Variants in POLN observed in about 807,000 individuals in gnomAD.
POLN encodes the protein DNA polymerase nu, also known as DNA polymerase N.
POLN carries 108 observed loss-of-function variants against 113.5 expected under a neutral mutation model. The observed-to-expected ratio is 0.95, with a 90% CI of 0.81 to 1.12. The LOEUF (loss-of-function observed/expected upper bound fraction) is 1.12. Ranked by LOEUF, POLN falls within the 50% of genes most tolerant of loss-of-function variation. The pLI, the probability that POLN is intolerant of heterozygous loss-of-function variation, is 0.00. For synonymous variants in POLN, 386 were observed against 391.5 expected (o/e 0.99, Z 0.17); for missense variants, 1,097 against 1,077.1 (o/e 1.02, Z -0.26).
At position 2,081,243 on chromosome 4, in the gene POLN, T is replaced by A; in HGVS notation, c.2309-207A>T. On this transcript the variant is annotated intron_variant, in intron 22 of 25. Transcript: ENST00000511885. ...TCTTGCTCCTGCAGGGCACCTGGGTTTTGGGTGCCTTACTCCTGGAGGCCT... is the reference window on the plus strand; with the variant it reads ...TCTTGCTCCTGCAGGGCACCTGGGTATTGGGTGCCTTACTCCTGGAGGCCT... 4 of 1,472,986 alleles carry A rather than the reference T, an allele frequency of 2.7e-6. No homozygotes were observed. The South Asian group carries it at 4.9e-5, about 18-fold the overall frequency. 91.2% of individuals were successfully genotyped at this position (1,472,986 alleles called of 1,614,324 possible).
intron 21 of POLN, among the ~76,000 whole-genome samples, chr4:2,085,035 T>A (rs775449349): frequency 2.1e-4 from 32 of 152,250 alleles, no homozygotes; most frequent in Non-Finnish European, 4.4e-4. Flanking sequence ...CTTAGCCACA[T>A]CCCAGTTTCT....
At chr4:2,215,827 C>T (rs1734100161) in intron 3 of POLN, among the ~76,000 whole-genome samples, 1 of 152,190 alleles carries the variant, frequency 6.6e-6, no homozygotes, top group Admixed American at 6.5e-5. Flanking sequence ...CTACATCTTG[C>T]TGCAGCTGGC....
intron 23 of POLN, among the ~76,000 whole-genome samples, chr4:2,077,453 G>C (rs907152294): frequency 2.0e-5 from 3 of 152,222 alleles, no homozygotes; most frequent in African/African-American, 7.2e-5. Flanking sequence ...CCCCCAGGGA[G>C]GGGGAGGTGG....
At chr4:2,147,448 G>C (rs1211604901) in intron 16 of POLN, among the ~76,000 whole-genome samples, 1 of 152,012 alleles carries the variant, frequency 6.6e-6, no homozygotes, top group Admixed American at 6.6e-5. Flanking sequence ...TCTGAGTTGG[G>C]GAAAGAGGAG....
At position 2,154,466 on chromosome 4, in the gene POLN, T is replaced by C. The variant is rs941352584; in HGVS notation, c.1731+2322A>G. Among the ~76,000 whole-genome samples, 5 of 152,040 alleles carry C rather than the reference T, an allele frequency of 3.3e-5. No individual in the cohort carries two copies. In the South Asian group the frequency reaches 1.0e-3, roughly 32 times the overall value. ...CAACAAATATTTAAAGAAATGGAAATTGAAAAAATGAGTCAGGAAAGTAAT... is the reference window on the plus strand; with the variant it reads ...CAACAAATATTTAAAGAAATGGAAACTGAAAAAATGAGTCAGGAAAGTAAT... On this transcript the variant is annotated intron_variant, in intron 16 of 25. Transcript: ENST00000511885.
intron 7 of POLN, among the ~76,000 whole-genome samples, chr4:2,190,906 C>T (rs780031374): frequency 4.6e-5 from 7 of 152,152 alleles, no homozygotes; most frequent in Non-Finnish European, 7.3e-5. Context: ...AAGGGGAACC[C>T]TCATACACTA....
intron 13 of POLN, among the ~76,000 whole-genome samples, chr4:2,166,045 G>A (rs1399632902): frequency 3.3e-5 from 5 of 152,210 alleles, no homozygotes; most frequent in Non-Finnish European, 7.3e-5. Context: ...CCAACGTGCT[G>A]GGATTATAGG....
intron 24 of POLN, among the ~76,000 whole-genome samples, chr4:2,074,029 GC>G (rs1730217908): frequency 6.6e-6 from 1 of 152,244 alleles, no homozygotes; most frequent in Admixed American, 6.5e-5. Context: ...TGGAGAGCCG[GC>G]CCAGGCCAAG....
chr4:2,197,725 C>T (rs1427267847), intron 6 of POLN, among the ~76,000 whole-genome samples: 1 of 152,114 alleles, frequency 6.6e-6, no homozygotes, highest in African/African-American at 2.4e-5. Flanking sequence ...TCACACATTC[C>T]CCTTCTCCCC....
chr4:2,242,106 C>G lies in POLN; in HGVS notation c.-339G>C, dbSNP rs1050180272. 9 of 985,912 alleles carry G rather than the reference C, an allele frequency of 9.1e-6. No homozygotes were observed. Among genetic ancestry groups the G allele is most frequent in the Non-Finnish European group, 1.1e-5 (9 of 830,268 alleles). The allele number at this position is 985,912 out of a possible 1,614,324, so 61.1% of individuals were successfully genotyped here. Reference sequence around the variant, plus strand: ...GCCCGCCGCCACCGCCCTCCGTGCCCCGCGCGCCTCGCACTGCCTCACGGG... The same window carrying G: ...GCCCGCCGCCACCGCCCTCCGTGCCGCGCGCGCCTCGCACTGCCTCACGGG... On this transcript the variant is annotated 5_prime_UTR_variant, in exon 1 of 26. Transcript: ENST00000511885.
intron 23 of POLN, chr4:2,078,845 A>G: frequency 1.0e-6 from 1 of 985,486 alleles, no homozygotes; most frequent in Non-Finnish European, 1.2e-6. Flanking sequence ...TCCAGCTTTC[A>G]GAAGGACTCA....
intron 13 of POLN, among the ~76,000 whole-genome samples, chr4:2,163,682 A>G (rs1732657514): frequency 6.6e-6 from 1 of 152,206 alleles, no homozygotes. Context: ...GCCCATGACT[A>G]GGCTCCCCCG....
chr4:2,167,549 G>A (rs1160918075), intron 13 of POLN, among the ~76,000 whole-genome samples: 2 of 152,158 alleles, frequency 1.3e-5, no homozygotes, highest in African/African-American at 4.8e-5. Context: ...ACCCTGAGGT[G>A]AGTGTCAAAG....
intron 16 of POLN, among the ~76,000 whole-genome samples, chr4:2,153,587 A>G (rs74671640): frequency 6.6e-6 from 1 of 151,454 alleles, no homozygotes; most frequent in African/African-American, 2.4e-5. Flanking sequence ...TTATTTGTAT[A>G]ATTTTTTTTT....
rs61629849 is a variant in POLN at position 2,088,828 on chromosome 4, T to C, written c.2066-3084A>G. On this transcript the variant is annotated intron_variant, in intron 20 of 25. Coordinates refer to ENST00000511885, the MANE Select transcript of POLN (RefSeq NM_181808.4). ...GACTTATTTCTTTGTCCTTTACATC[T>C]TGAACTTGTCTACTATAAAGAAAAG... 2.4e-3 allele frequency: 3,520 copies of C among 1,459,012 alleles called. 83 individuals are homozygous for C. The African/African-American group carries it at 0.045, about 19-fold the overall frequency. The allele number at this position is 1,459,012 out of a possible 1,614,324, so 90.4% of individuals were successfully genotyped here. A position where few individuals can be genotyped will look rare whatever the true frequency, so the allele number is the denominator to read the frequency against.
chr4:2,154,838 C>T (rs964583492), intron 16 of POLN, among the ~76,000 whole-genome samples: 2 of 152,182 alleles, frequency 1.3e-5, no homozygotes, highest in Non-Finnish European at 2.9e-5. Context: ...GAATACAATG[C>T]AGCTGTTAAA....
rs374935307 is a variant in POLN, at chr4:2,187,104, C to G, written c.1021+6100G>C. On this transcript the variant is annotated intron_variant, in intron 7 of 25. Coordinates refer to ENST00000511885, the MANE Select transcript of POLN (RefSeq NM_181808.4). ...AAGAGAGAAGAGAAAAGAAGGACAC[C>G]TATAAGATATAGAAAATTGCCTCAA... Among the ~76,000 whole-genome samples the G allele has an allele frequency of 1.5e-4, 23 of 152,094 alleles. No homozygotes were observed. The East Asian group carries it at 2.7e-3, about 18-fold the overall frequency.
chr4:2,170,980 T>A, intron 12 of POLN, 118 bp downstream of exon 12: 1 of 1,026,698 alleles, frequency 9.7e-7, no homozygotes, highest in Non-Finnish European at 1.4e-6. Context: ...TGAGAGAACA[T>A]GAAAAACTTA....
chr4:2,080,777 G>C, intron 23 of POLN, 181 bp downstream of exon 23: 1 of 1,466,300 alleles, frequency 6.8e-7, no homozygotes, highest in East Asian at 2.5e-5. Context: ...TGGATGGCTG[G>C]TTGTTGTCTG....
Sources: allele counts gnomAD v4.1 joint callset (sites outside exome capture counted in the v4.1 genomes callset), GRCh38; gene constraint gnomAD v4.1.1; transcripts MANE v1.5; gene names NCBI Gene and HGNC (gene_info 2026-07-23, HGNC 2026-07-21).